ITPR1: variants seen among roughly 807,000 people sequenced by gnomAD.
ITPR1 encodes inositol 1,4,5-trisphosphate receptor type 1.
Under a neutral mutation model 318.4 loss-of-function variants are expected in ITPR1, and 96 were observed. The ratio of observed to expected loss-of-function variants is 0.30; its 90% confidence interval spans 0.26 to 0.36. The LOEUF (loss-of-function observed/expected upper bound fraction) is 0.36. Among genes scored for constraint, ITPR1 ranks in the 10% least tolerant of loss-of-function variants. The pLI is 1.00. For missense variants in ITPR1, 2,440 were observed against 3,460.2 expected (o/e 0.71, Z 7.40); for synonymous variants, 1,312 against 1,289.9 (o/e 1.02, Z -0.37).
rs905944214 is a variant in ITPR1 at position 4,639,545 on chromosome 3, A to T, written c.366+75A>T. Reference sequence around the variant, plus strand: ...GCAGCTGAGGAAACAAACACCTAAGACAGGGTTTGGACACCTTTACAGCAG... The same window carrying T: ...GCAGCTGAGGAAACAAACACCTAAGTCAGGGTTTGGACACCTTTACAGCAG... On this transcript the variant is annotated intron_variant, in intron 6 of 61. Transcript: ENST00000649015. 4 of 1,128,498 alleles carry T rather than the reference A, an allele frequency of 3.5e-6. No individual in the cohort carries two copies. In the Admixed American group the frequency reaches 8.3e-5, roughly 24 times the overall value. 69.9% of individuals were successfully genotyped at this position (1,128,498 alleles called of 1,614,324 possible).
At chr3:4,537,854 A>T (rs113644873) in intron 4 of ITPR1, among the ~76,000 whole-genome samples, 2,333 of 152,292 alleles carry the variant, frequency 0.015, 63 homozygotes, top group African/African-American at 0.054. Context: ...ATTATTTGTT[A>T]TAGCATTGGT....
At chr3:4,539,674 A>T (rs75596075) in intron 4 of ITPR1, among the ~76,000 whole-genome samples, 4,139 of 152,280 alleles carry the variant, frequency 0.027, 88 homozygotes, top group Non-Finnish European at 0.042. Flanking sequence ...GAGGTGATTC[A>T]TTCATGGACT....
At chr3:4,814,323 G>C in intron 57 of ITPR1, 100 bp from the exon 58 acceptor site, 3 of 1,237,746 alleles carry the variant, frequency 2.4e-6, no homozygotes, top group South Asian at 1.2e-5. Flanking sequence ...TTATTCTTTC[G>C]TGTGCCTGGT....
chr3:4,701,991 G>A (rs1047468850), intron 35 of ITPR1, among the ~76,000 whole-genome samples: 2 of 151,868 alleles, frequency 1.3e-5, no homozygotes, highest in African/African-American at 2.4e-5. Flanking sequence ...TGTTTTTAGA[G>A]GGGCTATGCA....
intron 4 of ITPR1, among the ~76,000 whole-genome samples, chr3:4,566,650 ACT>A (rs769445357): frequency 4.0e-4 from 56 of 140,304 alleles, no homozygotes; most frequent in Non-Finnish European, 6.8e-4. Context: ...ACACTGAAAC[ACT>A]CTGCAAAAAT....
intron 19 of ITPR1, among the ~76,000 whole-genome samples, chr3:4,670,097 T>C (rs1394005404): frequency 6.6e-6 from 1 of 152,196 alleles, no homozygotes; most frequent in Non-Finnish European, 1.5e-5. Flanking sequence ...TCAAATGACA[T>C]AATGAATATT....
chr3:4,596,535 T>C (rs188225388), intron 4 of ITPR1, among the ~76,000 whole-genome samples: 1 of 152,200 alleles, frequency 6.6e-6, no homozygotes, highest in African/African-American at 2.4e-5. Context: ...CAACTGGTGG[T>C]CACAGATGGG....
intron 4 of ITPR1, among the ~76,000 whole-genome samples, chr3:4,553,098 G>A (rs2085734666): frequency 6.6e-6 from 1 of 152,186 alleles, no homozygotes; most frequent in Non-Finnish European, 1.5e-5. Flanking sequence ...AAGAATAGAT[G>A]AGGTGCTGTT....
Position 4,583,927 on chromosome 3 carries a change from A to G in ITPR1, c.164-43836A>G, listed in dbSNP as rs190817312. On this transcript the variant is annotated intron_variant, in intron 4 of 61. Coordinates refer to ENST00000649015, the MANE Select transcript of ITPR1 (RefSeq NM_001378452.1). ...TCCCTTTGAAACTAGGTACTCACAA[A>G]AGATGCTGGCTTTTTTGCTTCGTCC... Among the ~76,000 whole-genome samples, 163 of 152,276 alleles carry G rather than the reference A, an allele frequency of 1.1e-3. 1 individual carries two copies. The highest frequency in any genetic ancestry group is 3.6e-3 in the African/African-American group (150 of 41,558).
intron 16 of ITPR1, among the ~76,000 whole-genome samples, chr3:4,663,559 T>G (rs1448609715): frequency 6.6e-6 from 1 of 152,178 alleles, no homozygotes; most frequent in South Asian, 2.1e-4. Context: ...TTCCCATATC[T>G]CCTCTTGTCC....
At chr3:4,831,807 TG>T (rs1230179675) in intron 60 of ITPR1, among the ~76,000 whole-genome samples, 2 of 152,220 alleles carry the variant, frequency 1.3e-5, no homozygotes, top group Non-Finnish European at 2.9e-5. Flanking sequence ...GAGTTTTGTA[TG>T]AAAGTCTTAG....
chr3:4,499,039 G>T (rs1037104701), intron 2 of ITPR1, among the ~76,000 whole-genome samples: 9 of 152,084 alleles, frequency 5.9e-5, no homozygotes, highest in Admixed American at 3.9e-4. Context: ...CCTTGGACTC[G>T]GCTACTCAGG....
rs950876847 is a variant in ITPR1, at chr3:4,602,447, G to A, written c.164-25316G>A. On this transcript the variant is annotated intron_variant, in intron 4 of 61. Transcript: ENST00000649015. ...GGAGACTGAGGTGGGAGAATGACCCGGGCCTAGGAGGTCAAGGCTGCAGTG... is the reference window on the plus strand; with the variant it reads ...GGAGACTGAGGTGGGAGAATGACCCAGGCCTAGGAGGTCAAGGCTGCAGTG... 6.0e-5 allele frequency among the ~76,000 whole-genome samples: 9 copies of A among 150,552 alleles called. 1 individual carries two copies. Among genetic ancestry groups the A allele is most frequent in the Non-Finnish European group, 1.2e-4 (8 of 67,796 alleles).
chr3:4,747,696 G>C (rs2044207301), intron 44 of ITPR1, among the ~76,000 whole-genome samples: 1 of 152,204 alleles, frequency 6.6e-6, no homozygotes, highest in Non-Finnish European at 1.5e-5. Context: ...TGACAATTAT[G>C]TGTGCTACAT....
chr3:4,505,638 G>C (rs575762142), intron 2 of ITPR1, among the ~76,000 whole-genome samples: 2 of 152,346 alleles, frequency 1.3e-5, no homozygotes, highest in East Asian at 1.9e-4. Flanking sequence ...TGATGGACTT[G>C]TTGTTGGCTC....
At chr3:4,666,886 C>A (rs951362096) in intron 17 of ITPR1, among the ~76,000 whole-genome samples, 8 of 152,134 alleles carry the variant, frequency 5.3e-5, no homozygotes, top group African/African-American at 1.9e-4. Flanking sequence ...TTATTCCTGA[C>A]CTTCTTATGC....
At chr3:4,506,933 G>C (rs957908338) in intron 2 of ITPR1, among the ~76,000 whole-genome samples, 1 of 152,148 alleles carries the variant, frequency 6.6e-6, no homozygotes, top group Non-Finnish European at 1.5e-5. Flanking sequence ...CTAAAGAACT[G>C]TTGATGTGAG....
At chr3:4,681,624 A>AGTATGTGTGTGTGTGTGTGTGT (rs373511110) in intron 26 of ITPR1, among the ~76,000 whole-genome samples, 90 of 145,894 alleles carry the variant, frequency 6.2e-4, no homozygotes, top group Middle Eastern at 3.5e-3. Flanking sequence ...AGAGAGAGAA[A>AGTATGTGTGTGTGTGTGTGTGT]GTGTGTGTGT....
chr3:4,688,158 A>T (rs2686624), intron 30 of ITPR1, among the ~76,000 whole-genome samples: 3 of 151,946 alleles, frequency 2.0e-5, no homozygotes, highest in Non-Finnish European at 2.9e-5. Context: ...GGGTGGGATT[A>T]CAGGTATGAG....
Sources: gnomAD v4.1 joint callset for allele counts (sites outside exome capture counted in the v4.1 genomes callset) on GRCh38, gnomAD v4.1.1 for gene constraint, MANE v1.5 for transcripts, NCBI Gene and HGNC (gene_info 2026-07-23, HGNC 2026-07-21) for gene names.